TIMMDC1: variants seen among roughly 807,000 people sequenced by gnomAD.
TIMMDC1 encodes the protein translocase of inner mitochondrial membrane domain containing 1.
TIMMDC1 carries 25 observed loss-of-function variants against 32.6 expected under a neutral mutation model. The ratio of observed to expected loss-of-function variants is 0.77; its 90% CI spans 0.56 to 1.07. The LOEUF is 1.07. Among genes scored for constraint, TIMMDC1 ranks in the 50% least tolerant of loss-of-function variants. The pLI, the probability that TIMMDC1 is intolerant of heterozygous loss-of-function variation, is 0.00. For synonymous variants in TIMMDC1, 130 were observed against 127.6 expected, an observed-to-expected ratio of 1.02 and a Z score of -0.13; for missense variants, 329 against 349.2, an observed-to-expected ratio of 0.94 and a Z score of 0.46.
intron 6 of TIMMDC1, among the ~76,000 whole-genome samples, chr3:119,519,803 A>G (rs1447709290): frequency 6.6e-6 from 1 of 152,208 alleles, no homozygotes; most frequent in African/African-American, 2.4e-5. Flanking sequence ...CAACAGCTGC[A>G]AAATACACGT....
intron 6 of TIMMDC1, among the ~76,000 whole-genome samples, chr3:119,518,989 A>T (rs1308832285): frequency 1.3e-5 from 2 of 152,252 alleles, no homozygotes; most frequent in Non-Finnish European, 2.9e-5. Context: ...AGACAGGCAA[A>T]CACTGAGGGA....
In TIMMDC1 at chr3:119,502,934, T is replaced by C. The variant is rs141024074; in HGVS notation, c.361-598T>C. Among the ~76,000 whole-genome samples the C allele has an allele frequency of 2.6e-5, 4 of 152,338 alleles. No individual in the cohort carries two copies. The East Asian group carries it at 7.7e-4, about 29-fold the overall frequency. On this transcript the variant is annotated intron_variant, in intron 2 of 6. Coordinates refer to ENST00000494664, the MANE Select transcript of TIMMDC1 (RefSeq NM_016589.4). ...GGCCAAATGGGCATTTTCTAAAGTC[T>C]ATCATTCTTTCTACATTTATTGGTT...
At chr3:119,505,608 C>T (rs1443609995) in intron 4 of TIMMDC1, among the ~76,000 whole-genome samples, 1 of 152,172 alleles carries the variant, frequency 6.6e-6, no homozygotes, top group African/African-American at 2.4e-5. Flanking sequence ...CTCAGGTGAT[C>T]CGCCCATCTC....
chr3:119,519,121 C>CACCAATAAGAACG (rs112255784), intron 6 of TIMMDC1, among the ~76,000 whole-genome samples: 124,980 of 151,914 alleles, frequency 0.82, 51,496 homozygotes, highest in East Asian at 0.87. Context: ...AGAGCAGATA[C>CACCAATAAGAACG]AGAAAGGAAT....
intron 5 of TIMMDC1, among the ~76,000 whole-genome samples, chr3:119,514,979 C>G (rs1047987004): frequency 6.6e-6 from 1 of 152,004 alleles, no homozygotes; most frequent in Non-Finnish European, 1.5e-5. Context: ...CACTTGTGAT[C>G]AGGAGTTTGA....
chr3:119,522,858 A>G (rs571842194), intron 6 of TIMMDC1, among the ~76,000 whole-genome samples: 34 of 151,654 alleles, frequency 2.2e-4, no homozygotes, highest in Non-Finnish European at 4.6e-4. Context: ...AGGAGAGTTA[A>G]TAAACGTTTA....
rs1391962476 is a variant in TIMMDC1 at position 119,507,558 on chromosome 3, T to A, written c.517+3537T>A. Among the ~76,000 whole-genome samples, 3 of 152,254 alleles carry A rather than the reference T, an allele frequency of 2.0e-5. No homozygotes were observed. The East Asian group carries it at 5.8e-4, about 29-fold the overall frequency. ...CCATCTATTCTTGCATGCTATCTAC[T>A]TTATCCATTAGAGCCCTTAGTGTAT... is the stretch of plus-strand genomic sequence containing the variant. On this transcript the variant is annotated intron_variant, in intron 4 of 6. Transcript: ENST00000494664.
intron 4 of TIMMDC1, among the ~76,000 whole-genome samples, chr3:119,507,710 C>A (rs777899598): frequency 1.3e-5 from 2 of 151,986 alleles, no homozygotes; most frequent in Non-Finnish European, 2.9e-5. Flanking sequence ...TTTTAGGATG[C>A]CTTGTAATTT....
At chr3:119,504,598 T>A (rs767413903) in intron 4 of TIMMDC1, among the ~76,000 whole-genome samples, 5 of 152,206 alleles carry the variant, frequency 3.3e-5, no homozygotes, top group Non-Finnish European at 7.3e-5. Flanking sequence ...ATATGTATAT[T>A]TTCTTTTTAA....
At chr3:119,512,410 C>G (rs1294221989) in intron 4 of TIMMDC1, among the ~76,000 whole-genome samples, 1 of 152,096 alleles carries the variant, frequency 6.6e-6, no homozygotes, top group Admixed American at 6.5e-5. Flanking sequence ...TCCTGAGTAG[C>G]TAGGATTACA....
Position 119,523,768 on chromosome 3 carries a change from A to G in TIMMDC1, c.*12A>G, listed in dbSNP as rs2082046921. On this transcript the variant is annotated 3_prime_UTR_variant, in exon 7 of 7. Coordinates refer to ENST00000494664, the MANE Select transcript of TIMMDC1 (RefSeq NM_016589.4). ...AAGACAAGGACTGAAAGTGCTCTGA[A>G]CTTGAAACTCACTGGAGAGCTGAAG... The G allele has an allele frequency of 1.9e-6, 3 of 1,582,648 alleles. No homozygotes were observed. The highest frequency in any genetic ancestry group is 2.6e-6 in the Non-Finnish European group (3 of 1,165,588).
intron 4 of TIMMDC1, among the ~76,000 whole-genome samples, chr3:119,509,090 C>T (rs1381987587): frequency 3.3e-5 from 5 of 152,030 alleles, no homozygotes; most frequent in South Asian, 2.1e-4. Context: ...TCTGTAATCC[C>T]GGCTACTTGG....
rs919692796 is a variant in TIMMDC1 at position 119,512,858 on chromosome 3, C to T, written c.518-783C>T. Among the ~76,000 whole-genome samples, 12 of 152,082 alleles carry T rather than the reference C, an allele frequency of 7.9e-5. No homozygotes were observed. The South Asian group carries it at 2.5e-3, about 32-fold the overall frequency. ...GGGGTTCAAACAATTCTTGTGCCTC[C>T]GCCTCCTGAGTAGCTGGGATTACAG... On this transcript the variant is annotated intron_variant, in intron 4 of 6. Transcript: ENST00000494664.
intron 1 of TIMMDC1, 150 bp downstream of exon 1, chr3:119,499,077 G>C (rs1255037024): frequency 1.9e-5 from 11 of 573,520 alleles, no homozygotes; most frequent in Admixed American, 3.5e-5. Flanking sequence ...ACCCAAGCTT[G>C]TATCTTTTTT....
chr3:119,514,424 C>T (rs2081972996), intron 5 of TIMMDC1, among the ~76,000 whole-genome samples: 1 of 152,172 alleles, frequency 6.6e-6, no homozygotes, highest in African/African-American at 2.4e-5. Flanking sequence ...ATGAAGAATA[C>T]TCTTCCATGA....
chr3:119,524,827 G>A lies in TIMMDC1; in HGVS notation c.*1071G>A, dbSNP rs1355393244. 6.6e-6 allele frequency: 1 copy of A among 152,170 alleles called. No individual in the cohort carries two copies. Among genetic ancestry groups the A allele is most frequent in the Admixed American group, 6.5e-5 (1 of 15,270 alleles). The allele number at this position is 152,170 out of a possible 1,614,324, so 9.4% of individuals were successfully genotyped here. ...TGTCAGAAAGACCCAGAAATACCAA[G>A]GAGAAAAAGCCATCTTAGGGATCTA... On this transcript the variant is annotated 3_prime_UTR_variant, in exon 7 of 7. Coordinates refer to ENST00000494664, the MANE Select transcript of TIMMDC1 (RefSeq NM_016589.4).
Position 119,498,703 on chromosome 3 carries a change from C to T in TIMMDC1, c.-31C>T, listed in dbSNP as rs1279667051. On this transcript the variant is annotated 5_prime_UTR_variant, in exon 1 of 7. Coordinates refer to ENST00000494664, the MANE Select transcript of TIMMDC1 (RefSeq NM_016589.4). ...CCGCGAGGACTTGAAGTCCTGAGCG[C>T]TCAAGTTTGTCCGTAGGTCGAGAGA... The T allele has an allele frequency of 6.2e-7, 1 of 1,609,442 alleles. No individual in the cohort carries two copies. Among genetic ancestry groups the T allele is most frequent in the South Asian group, 1.1e-5 (1 of 90,870 alleles).
intron 5 of TIMMDC1, among the ~76,000 whole-genome samples, chr3:119,515,062 C>T (rs951986901): frequency 6.6e-6 from 1 of 151,882 alleles, no homozygotes; most frequent in East Asian, 1.9e-4. Context: ...TGGTGGCAAG[C>T]GCCTGTAATC....
chr3:119,499,240 C>T (rs1170155384), intron 1 of TIMMDC1, among the ~76,000 whole-genome samples: 2 of 150,460 alleles, frequency 1.3e-5, no homozygotes, highest in East Asian at 1.9e-4. Flanking sequence ...ACTACAGGCG[C>T]GCACCACCAC....
Sources: gnomAD v4.1 joint callset for allele counts (sites outside exome capture counted in the v4.1 genomes callset) on GRCh38, gnomAD v4.1.1 for gene constraint, MANE v1.5 for transcripts, NCBI Gene and HGNC (gene_info 2026-07-23, HGNC 2026-07-21) for gene names.